Variants in LMTK2 observed in about 807,000 individuals in gnomAD.
The protein encoded by LMTK2 is serine/threonine-protein kinase LMTK2.
LMTK2 carries 37 observed loss-of-function variants against 127.5 expected under a neutral mutation model. The ratio of observed to expected loss-of-function variants is 0.29; its 90% CI spans 0.22 to 0.38. LMTK2 has a LOEUF of 0.38. Ranked by LOEUF, LMTK2 falls within the 10% of genes least tolerant of loss-of-function variation. The probability of loss-of-function intolerance (pLI) is 1.00; values close to 1 mark genes in which losing one functional copy is unlikely to be tolerated. For synonymous variants in LMTK2, 819 were observed against 810.1 expected (o/e 1.01, Z -0.19); for missense variants, 1,694 against 1,920.3 (o/e 0.88, Z 2.20).
chr7:98,112,033 A>G (rs183383679), intron 1 of LMTK2, among the ~76,000 whole-genome samples: 165 of 152,346 alleles, frequency 1.1e-3, no homozygotes, highest in Non-Finnish European at 1.6e-3. Flanking sequence ...AATTTATTTA[A>G]AGGAATCATG....
At chr7:98,196,450 T>G (rs1422488729) in intron 11 of LMTK2, among the ~76,000 whole-genome samples, 1 of 152,208 alleles carries the variant, frequency 6.6e-6, no homozygotes, top group East Asian at 1.9e-4. Context: ...CTCCACCGTC[T>G]CTGTGAACTT....
intron 2 of LMTK2, 40 bp from the exon 3 acceptor site, chr7:98,141,357 T>TTA: frequency 6.3e-7 from 1 of 1,584,884 alleles, no homozygotes; most frequent in Non-Finnish European, 8.7e-7. Context: ...ATTTTAAATG[T>TTA]TAGCCAATGG....
chr7:98,132,623 C>T (rs1201447285), intron 1 of LMTK2, among the ~76,000 whole-genome samples: 1 of 152,020 alleles, frequency 6.6e-6, no homozygotes, highest in Non-Finnish European at 1.5e-5. Context: ...TGACTTGAAC[C>T]ACTGGGTAAC....
chr7:98,191,576 G>A (rs754254528), intron 10 of LMTK2, 38 bp from the exon 11 acceptor site: 26 of 1,449,604 alleles, frequency 1.8e-5, no homozygotes, highest in Admixed American at 2.3e-5. Flanking sequence ...AAAAAAATTC[G>A]TGATGGTTCC....
chr7:98,204,675 C>T (rs1299707331), intron 13 of LMTK2, among the ~76,000 whole-genome samples: 4 of 152,312 alleles, frequency 2.6e-5, no homozygotes, highest in South Asian at 2.1e-4. Context: ...CTCTCGGGGC[C>T]ATGCCCCCTG....
In LMTK2 at chr7:98,151,454, A is replaced by C. The variant is rs764001770; in HGVS notation, c.449A>C (p.Lys150Thr). The change falls in exon 4 of 14, where the codon AAG (lysine) becomes ACG (threonine). Residue 150 changes from lysine (K) to threonine (T), a missense_variant and splice_region_variant. This residue lies in a region of LMTK2 where 203 missense variants were observed against 226.2 expected (regional missense o/e 0.90). Transcript: ENST00000297293. ...GAAATTGGAAATGGCTGGTTTGGAA[A>C]GGTAAGATGCTCTTCACTTGCATTT... is the stretch of plus-strand genomic sequence containing the variant. ...IQEIGNGWFGKVLLGEIYTGT... is the reference protein window; with the variant it reads ...IQEIGNGWFGTVLLGEIYTGT... 6.2e-7 allele frequency: 1 copy of C among 1,610,816 alleles called. No homozygotes were observed. The highest frequency in any genetic ancestry group is 1.7e-5 in the Admixed American group (1 of 59,992).
rs1019229413 is a variant in LMTK2 at position 98,207,310 on chromosome 7, G to T, written c.*1818G>T. 6.6e-6 allele frequency: 1 copy of T among 152,156 alleles called. No individual in the cohort carries two copies. The highest frequency in any genetic ancestry group is 2.1e-4 in the South Asian group (1 of 4,824). The allele number at this position is 152,156 out of a possible 1,614,324, so 9.4% of individuals were successfully genotyped here. A position where few individuals can be genotyped will look rare whatever the true frequency, so the allele number is the denominator to read the frequency against. On this transcript the variant is annotated 3_prime_UTR_variant, in exon 14 of 14. Transcript: ENST00000297293. ...TTGAGTCCTAGTGCAAAATGCAGGC[G>T]GACGTTGCCAGAGAGTGCGCAGCAA...
chr7:98,137,110 G>C (rs757729317), intron 1 of LMTK2, among the ~76,000 whole-genome samples: 1 of 152,148 alleles, frequency 6.6e-6, no homozygotes, highest in East Asian at 1.9e-4. Flanking sequence ...TGAACTCTCT[G>C]TATTGTCTCT....
chr7:98,136,112 G>A (rs895681853), intron 1 of LMTK2, among the ~76,000 whole-genome samples: 1 of 152,132 alleles, frequency 6.6e-6, no homozygotes, highest in Admixed American at 6.5e-5. Context: ...GAAGGATGGG[G>A]CATGCCAAAA....
Position 98,196,560 on chromosome 7 carries a change from G to A in LMTK2, c.4107+1988G>A, listed in dbSNP as rs536564569. The stretch of plus-strand genomic sequence containing the variant: ...AGTGCGGTTAGGAGCTAGGGAGCAC[G>A]CTGTCCCCACTTCCTGAAAGCCTGG... On this transcript the variant is annotated intron_variant, in intron 11 of 13. Transcript: ENST00000297293. Among the ~76,000 whole-genome samples, 30 of 152,300 alleles carry A rather than the reference G, an allele frequency of 2.0e-4. 2 individuals are homozygous for A. Among genetic ancestry groups the A allele is most frequent in the Admixed American group, 8.5e-4 (13 of 15,294 alleles).
intron 2 of LMTK2, among the ~76,000 whole-genome samples, chr7:98,140,059 A>G (rs540889526): frequency 2.0e-5 from 3 of 151,936 alleles, no homozygotes; most frequent in East Asian, 3.9e-4. Flanking sequence ...ACCGAACGTC[A>G]CGTAAAAGGT....
At chr7:98,109,743 C>CAAAAAA (rs1156337163) in intron 1 of LMTK2, among the ~76,000 whole-genome samples, 11 of 53,282 alleles carry the variant, frequency 2.1e-4, no homozygotes, top group East Asian at 8.2e-4. Context: ...GACTCCGTCT[C>CAAAAAA]AAAAAAAAAA....
At chr7:98,140,395 A>G (rs1386766599) in intron 2 of LMTK2, among the ~76,000 whole-genome samples, 1 of 151,752 alleles carries the variant, frequency 6.6e-6, no homozygotes, top group Non-Finnish European at 1.5e-5. Flanking sequence ...CAAGTGATCC[A>G]CCTGCCTCAG....
chr7:98,115,403 G>A (rs1477685552), intron 1 of LMTK2, among the ~76,000 whole-genome samples: 10 of 151,436 alleles, frequency 6.6e-5, no homozygotes, highest in African/African-American at 2.4e-4. Flanking sequence ...GCGACAGAGC[G>A]AGACTCAAAG....
rs151240682 is a variant in LMTK2, at chr7:98,194,443, C to T, written c.3978C>T (p.Asp1326=). ...HPVPIILSNE[D]GRHLRSLLKP... ...TGCCCATCATCCTCAGCAACGAGGA[C>T]GGAAGGCACCTGCGGAGTCTGTTGA... is the stretch of plus-strand genomic sequence containing the variant. The change falls in exon 11 of 14, where the codon GAC becomes GAT. Residue 1326 remains aspartate, a synonymous_variant. Transcript: ENST00000297293. This position sits in a 1 kb window ranked among gnomAD's most constrained non-coding sequence, Gnocchi z 5.4. 7.4e-5 allele frequency: 119 copies of T among 1,614,102 alleles called. No homozygotes were observed. Among genetic ancestry groups the T allele is most frequent in the African/African-American group, 3.2e-4 (24 of 75,048 alleles).
At chr7:98,134,267 A>G (rs558170930) in intron 1 of LMTK2, among the ~76,000 whole-genome samples, 17 of 152,362 alleles carry the variant, frequency 1.1e-4, no homozygotes, top group African/African-American at 3.8e-4. Context: ...ATGATAAGTC[A>G]CACCCTTAGT....
intron 11 of LMTK2, among the ~76,000 whole-genome samples, chr7:98,199,016 G>C (rs1012469929): frequency 6.6e-6 from 1 of 152,076 alleles, no homozygotes; most frequent in Non-Finnish European, 1.5e-5. Context: ...CCAAGAGTTG[G>C]AGATTTTATT....
intron 5 of LMTK2, among the ~76,000 whole-genome samples, chr7:98,156,900 A>G (rs1796933251): frequency 6.6e-6 from 1 of 152,156 alleles, no homozygotes; most frequent in Non-Finnish European, 1.5e-5. Context: ...TCTTCAACTG[A>G]TAGATGAGGC....
intron 6 of LMTK2, among the ~76,000 whole-genome samples, chr7:98,167,953 G>T (rs959961400): frequency 2.0e-5 from 3 of 152,162 alleles, no homozygotes; most frequent in Admixed American, 6.5e-5. Flanking sequence ...AGGAAAGAAC[G>T]GGCCGGTCTC....
Sources: allele counts gnomAD v4.1 joint callset (sites outside exome capture counted in the v4.1 genomes callset), GRCh38; gene constraint gnomAD v4.1.1; regional missense constraint gnomAD v4.1.1; non-coding constraint Gnocchi (gnomAD v3.1); transcripts MANE v1.5; gene names NCBI Gene and HGNC (gene_info 2026-07-23, HGNC 2026-07-21).